Variants in PCDHGA3 observed in about 807,000 individuals in gnomAD.
The protein encoded by PCDHGA3 is protocadherin gamma-A3.
A neutral mutation model predicts 58.5 loss-of-function variants in PCDHGA3; 40 were observed. That is an observed-to-expected ratio of 0.68 (90% CI 0.53 to 0.89). PCDHGA3 has a LOEUF of 0.89. PCDHGA3 is among the 40% of genes least tolerant of loss of function. The probability of loss-of-function intolerance (pLI) is 0.00; values close to 1 mark genes in which losing one functional copy is unlikely to be tolerated. For synonymous variants in PCDHGA3, 530 were observed against 525.7 expected (o/e 1.01, Z -0.11); for missense variants, 1,223 against 1,195.9 (o/e 1.02, Z -0.33).
At chr5:141,410,254 C>G in intron 1 of PCDHGA3, 1 of 1,614,020 alleles carries the variant, frequency 6.2e-7, no homozygotes, top group Non-Finnish European at 8.5e-7. Flanking sequence ...TCTCTGACCC[C>G]CAGGCTGAAC....
intron 1 of PCDHGA3, among the ~76,000 whole-genome samples, chr5:141,442,926 T>C (rs2098353621): frequency 6.6e-6 from 1 of 152,240 alleles, no homozygotes; most frequent in African/African-American, 2.4e-5. Flanking sequence ...TGTTTCATTT[T>C]CTATTTAAGA....
intron 1 of PCDHGA3, chr5:141,407,951 A>G (rs1256400393): frequency 1.7e-6 from 1 of 578,448 alleles, no homozygotes; most frequent in Non-Finnish European, 2.8e-6. Flanking sequence ...GCTGTCGGCC[A>G]GTGCAGAGCA....
At chr5:141,387,936 T>G (rs200817766) in intron 1 of PCDHGA3, 31,224 of 1,475,552 alleles carry the variant, frequency 0.021, 381 homozygotes, top group Non-Finnish European at 0.026. Flanking sequence ...GCCAGTGCTC[T>G]TTCTCTTCCT....
intron 1 of PCDHGA3, chr5:141,394,651 A>G: frequency 6.2e-7 from 1 of 1,611,802 alleles, no homozygotes; most frequent in Admixed American, 1.7e-5. Flanking sequence ...AAGGCCAGCG[A>G]GCCGGGACTC....
chr5:141,369,471 A>T (rs1182179165), intron 1 of PCDHGA3, among the ~76,000 whole-genome samples: 1 of 152,168 alleles, frequency 6.6e-6, no homozygotes, highest in South Asian at 2.1e-4. Context: ...GTTCTAGCCC[A>T]GCCTGGGCAA....
At position 141,405,317 on chromosome 5, in the gene PCDHGA3, G is replaced by A. The variant is rs1443108777; in HGVS notation, c.2424+58860G>A. ...CAGCCAGCAGAGCTGTGAGAAAAAT[G>A]AGCCTTTGTGCGTCTCTGTTGATTC... On this transcript the variant is annotated intron_variant, in intron 1 of 3. Coordinates refer to ENST00000253812, the MANE Select transcript of PCDHGA3 (RefSeq NM_018916.4). 2.5e-6 allele frequency: 4 copies of A among 1,614,080 alleles called. No individual in the cohort carries two copies. The African/African-American group carries it at 5.3e-5, about 22-fold the overall frequency.
intron 2 of PCDHGA3, among the ~76,000 whole-genome samples, chr5:141,497,006 T>C (rs947830895): frequency 1.3e-5 from 2 of 151,678 alleles, no homozygotes; most frequent in South Asian, 2.1e-4. Context: ...GCAGCCAACA[T>C]GGTGAAACCC....
At chr5:141,492,447 T>G (rs920078908) in intron 1 of PCDHGA3, among the ~76,000 whole-genome samples, 13 of 152,300 alleles carry the variant, frequency 8.5e-5, no homozygotes, top group Middle Eastern at 3.4e-3. Context: ...CGTAGCTGAT[T>G]GTGCGCGCCT....
At chr5:141,497,464 T>C (rs1277760390) in intron 2 of PCDHGA3, among the ~76,000 whole-genome samples, 1 of 151,764 alleles carries the variant, frequency 6.6e-6, no homozygotes, top group Admixed American at 6.6e-5. Context: ...CTTGGAGATA[T>C]GGAGGAGAAG....
At chr5:141,480,205 A>G (rs2099514310) in intron 1 of PCDHGA3, among the ~76,000 whole-genome samples, 1 of 151,108 alleles carries the variant, frequency 6.6e-6, no homozygotes, top group Admixed American at 6.6e-5. Flanking sequence ...GCAGTTCAAG[A>G]CCAGCCTGAG....
intron 2 of PCDHGA3, among the ~76,000 whole-genome samples, chr5:141,496,123 C>T (rs2099766207): frequency 6.6e-6 from 1 of 152,098 alleles, no homozygotes; most frequent in African/African-American, 2.4e-5. Flanking sequence ...CTTCCCTGCC[C>T]CTCACACACT....
In PCDHGA3 at chr5:141,487,237, T is replaced by A. The variant is rs1327004790; in HGVS notation, c.2425-7570T>A. 1.2e-6 allele frequency: 2 copies of A among 1,614,122 alleles called. No individual in the cohort carries two copies. The highest frequency in any genetic ancestry group is 1.7e-6 in the Non-Finnish European group (2 of 1,179,980). On this transcript the variant is annotated intron_variant, in intron 1 of 3. Coordinates refer to ENST00000253812, the MANE Select transcript of PCDHGA3 (RefSeq NM_018916.4). This position sits in a 1 kb window ranked among gnomAD's most constrained non-coding sequence, Gnocchi z 5.0. ...CAGCTCCAAGGGAAGGAGAATCTCGTCTAACCCTCTACTTGGCTGTGTCCC... is the reference window on the plus strand; with the variant it reads ...CAGCTCCAAGGGAAGGAGAATCTCGACTAACCCTCTACTTGGCTGTGTCCC...
intron 1 of PCDHGA3, among the ~76,000 whole-genome samples, chr5:141,474,120 T>C (rs2099343213): frequency 6.6e-6 from 1 of 151,910 alleles, no homozygotes; most frequent in Non-Finnish European, 1.5e-5. Flanking sequence ...ACAACGAAAA[T>C]CTCAGAAAAC....
intron 1 of PCDHGA3, chr5:141,433,358 CCTAT>C (rs3074541): frequency 0.23 from 113,181 of 502,952 alleles, 11,570 homozygotes; most frequent in Non-Finnish European, 0.24. Flanking sequence ...CTACTGTCTG[CCTAT>C]CTATCTATCT....
chr5:141,400,928 G>T (rs1365073405), intron 1 of PCDHGA3, among the ~76,000 whole-genome samples: 1 of 152,154 alleles, frequency 6.6e-6, no homozygotes, highest in African/African-American at 2.4e-5. Flanking sequence ...ACTGCTAGTA[G>T]ATGTCTTTCT....
chr5:141,384,623 T>C (rs906239388), intron 1 of PCDHGA3: 7 of 1,614,092 alleles, frequency 4.3e-6, no homozygotes, highest in African/African-American at 1.3e-5. Flanking sequence ...TCTACTGGCA[T>C]GGAGCTGGCA....
At chr5:141,413,531 A>G (rs1472068242) in intron 1 of PCDHGA3, 6 of 1,613,818 alleles carry the variant, frequency 3.7e-6, no homozygotes, top group Non-Finnish European at 5.1e-6. Flanking sequence ...GACAGGGTGA[A>G]ACTTTTTGGG....
chr5:141,504,078 C>T (rs1333392062), intron 2 of PCDHGA3, among the ~76,000 whole-genome samples: 1 of 152,078 alleles, frequency 6.6e-6, no homozygotes, highest in Non-Finnish European at 1.5e-5. Flanking sequence ...CCAGATGGTG[C>T]CAAACAGTTA....
rs933089146 is a variant in PCDHGA3, at chr5:141,490,786, A to G, written c.2425-4021A>G. ...GTATGTCAACCCAGAGGATGGACGGATCTTTGCCCAGCGTACCTTTGACTA... is the reference window on the plus strand; with the variant it reads ...GTATGTCAACCCAGAGGATGGACGGGTCTTTGCCCAGCGTACCTTTGACTA... On this transcript the variant is annotated intron_variant, in intron 1 of 3. Coordinates refer to ENST00000253812, the MANE Select transcript of PCDHGA3 (RefSeq NM_018916.4). This position sits in a 1 kb window ranked among gnomAD's most constrained non-coding sequence, Gnocchi z 5.4. The G allele has an allele frequency of 1.9e-6, 3 of 1,614,056 alleles. No individual in the cohort carries two copies. The highest frequency in any genetic ancestry group is 1.7e-5 in the Admixed American group (1 of 60,016).
Sources: gnomAD v4.1 joint callset for allele counts (sites outside exome capture counted in the v4.1 genomes callset) on GRCh38, gnomAD v4.1.1 for gene constraint, Gnocchi (gnomAD v3.1) non-coding constraint, MANE v1.5 for transcripts, NCBI Gene and HGNC (gene_info 2026-07-23, HGNC 2026-07-21) for gene names.